The following FAM53B variants were observed in gnomAD, a reference collection of about 807,000 sequenced individuals.
FAM53B encodes family with sequence similarity 53 member B.
FAM53B carries 12 observed loss-of-function variants against 32.7 expected under a neutral mutation model. The ratio of observed to expected loss-of-function variants is 0.37; its 90% CI spans 0.24 to 0.59. The LOEUF (loss-of-function observed/expected upper bound fraction) is 0.59. Among genes scored for constraint, FAM53B ranks in the 20% least tolerant of loss-of-function variants. The pLI, the probability that FAM53B is intolerant of heterozygous loss-of-function variation, is 0.72. For missense variants in FAM53B, 477 were observed against 577.7 expected (o/e 0.83, Z 1.79); for synonymous variants, 234 against 228.7 (o/e 1.02, Z -0.21).
intron 4 of FAM53B, among the ~76,000 whole-genome samples, chr10:124,641,220 G>A (rs1039389336): frequency 4.6e-5 from 7 of 152,146 alleles, no homozygotes; most frequent in Admixed American, 1.3e-4. Context: ...CCTCTTCCTC[G>A]ATATGTTGGA....
intron 4 of FAM53B, among the ~76,000 whole-genome samples, chr10:124,643,317 G>C (rs768729891): frequency 1.3e-5 from 2 of 152,226 alleles, no homozygotes; most frequent in Non-Finnish European, 2.9e-5. Context: ...CTGGGCTGTG[G>C]GGCCATTGAA....
intron 4 of FAM53B, among the ~76,000 whole-genome samples, chr10:124,628,396 G>A (rs1949369185): frequency 6.6e-6 from 1 of 152,192 alleles, no homozygotes; most frequent in Non-Finnish European, 1.5e-5. Context: ...GGAGGCTGCG[G>A]TATTCTCACC....
intron 4 of FAM53B, among the ~76,000 whole-genome samples, chr10:124,645,234 C>A (rs867026173): frequency 6.6e-6 from 1 of 152,252 alleles, no homozygotes. Context: ...GTGGTAAGAC[C>A]GCCTATCTGC....
chr10:124,702,966 G>C (rs753370404), intron 2 of FAM53B, among the ~76,000 whole-genome samples: 1 of 152,058 alleles, frequency 6.6e-6, no homozygotes, highest in Non-Finnish European at 1.5e-5. Flanking sequence ...CTCTCACCTC[G>C]TGACACACTT....
At chr10:124,643,045 G>A (rs1949487318) in intron 4 of FAM53B, among the ~76,000 whole-genome samples, 2 of 152,164 alleles carry the variant, frequency 1.3e-5, no homozygotes, top group Admixed American at 1.3e-4. Flanking sequence ...CTCACTGTTA[G>A]CTTGAGATGA....
intron 1 of FAM53B, among the ~76,000 whole-genome samples, chr10:124,725,188 CT>C (rs1161080462): frequency 6.6e-6 from 1 of 152,228 alleles, no homozygotes; most frequent in African/African-American, 2.4e-5. Flanking sequence ...CAGGTTCACT[CT>C]GGACAACTAA....
At chr10:124,715,785 T>C (rs1950035309) in intron 1 of FAM53B, among the ~76,000 whole-genome samples, 1 of 152,222 alleles carries the variant, frequency 6.6e-6, no homozygotes, top group African/African-American at 2.4e-5. Context: ...CTTTGTAACA[T>C]GTAAGACGTT....
In FAM53B at chr10:124,681,730, G is replaced by A. The variant is rs752778458; in HGVS notation, c.783C>T (p.Ser261=). 6.2e-6 allele frequency: 10 copies of A among 1,610,518 alleles called. No individual in the cohort carries two copies. Among genetic ancestry groups the A allele is most frequent in the Admixed American group, 3.4e-5 (2 of 59,484 alleles). ...ASTPELARRS[S]GLSRSRSQPC... ...GCTGGGAGCGGCTGCGGGAAAGGCC[G>A]CTGGAGCGTCTCGCCAGCTCTGGTG... is the stretch of plus-strand genomic sequence containing the variant. The change falls in exon 4 of 5, where the codon AGC becomes AGT. Residue 261 remains serine (S), a synonymous_variant. Coordinates refer to ENST00000337318, the MANE Select transcript of FAM53B (RefSeq NM_014661.4).
chr10:124,638,225 C>G (rs1949446693), intron 4 of FAM53B, among the ~76,000 whole-genome samples: 1 of 152,090 alleles, frequency 6.6e-6, no homozygotes, highest in Non-Finnish European at 1.5e-5. Flanking sequence ...AAAAAATTAG[C>G]AGGGTGTGGT....
chr10:124,621,223 A>C lies in FAM53B; in HGVS notation c.*2019T>G, dbSNP rs1466758500. ...TCGGCCACACCGGGCATGTGGTGCC[A>C]GGACCCCCCACGCCCAGTGGTACTC... On this transcript the variant is annotated 3_prime_UTR_variant, in exon 5 of 5. Coordinates refer to ENST00000337318, the MANE Select transcript of FAM53B (RefSeq NM_014661.4). 1 of 152,220 alleles carries C rather than the reference A, an allele frequency of 6.6e-6. No individual in the cohort carries two copies. The highest frequency in any genetic ancestry group is 1.5e-5 in the Non-Finnish European group (1 of 68,030). 9.4% of individuals were successfully genotyped at this position (152,220 alleles called of 1,614,324 possible).
chr10:124,670,072 G>A (rs1949698488), intron 4 of FAM53B, among the ~76,000 whole-genome samples: 1 of 152,102 alleles, frequency 6.6e-6, no homozygotes, highest in Admixed American at 6.5e-5. Flanking sequence ...GCTGATGTGT[G>A]TGCAGATATG....
chr10:124,739,060 A>AC (rs1291479967), intron 1 of FAM53B, among the ~76,000 whole-genome samples: 2 of 152,060 alleles, frequency 1.3e-5, no homozygotes, highest in Non-Finnish European at 2.9e-5. Context: ...AAAAAAACAA[A>AC]AAACAAAAAA....
intron 4 of FAM53B, among the ~76,000 whole-genome samples, chr10:124,646,014 G>T (rs994819784): frequency 6.0e-4 from 92 of 152,140 alleles, no homozygotes; most frequent in African/African-American, 2.2e-3. Context: ...GGCCAAACAG[G>T]TAACAGGGCC....
intron 1 of FAM53B, among the ~76,000 whole-genome samples, chr10:124,738,361 T>A (rs1470376410): frequency 2.1e-5 from 3 of 143,456 alleles, no homozygotes; most frequent in Non-Finnish European, 4.6e-5. Context: ...GGCATCTGGA[T>A]TTTTTTTTTT....
intron 4 of FAM53B, among the ~76,000 whole-genome samples, chr10:124,624,498 C>T (rs546374845): frequency 6.6e-6 from 1 of 152,324 alleles, no homozygotes; most frequent in South Asian, 2.1e-4. Context: ...ATGCTCCCTG[C>T]CTGCCTTGCT....
intron 4 of FAM53B, among the ~76,000 whole-genome samples, chr10:124,647,891 C>T (rs997272451): frequency 2.5e-4 from 38 of 152,184 alleles, no homozygotes; most frequent in African/African-American, 8.4e-4. Context: ...AGAACAGCCC[C>T]GTGTGCATGA....
intron 4 of FAM53B, among the ~76,000 whole-genome samples, chr10:124,646,546 C>T (rs750660945): frequency 8.5e-5 from 13 of 152,192 alleles, no homozygotes; most frequent in Non-Finnish European, 1.6e-4. Context: ...GCTCCCAGCC[C>T]GGAGCCTCTG....
intron 1 of FAM53B, among the ~76,000 whole-genome samples, chr10:124,735,906 T>C (rs1160360003): frequency 2.6e-5 from 4 of 152,252 alleles, no homozygotes; most frequent in African/African-American, 9.6e-5. Context: ...CCCAGGCTTC[T>C]GATTCCAAAG....
At chr10:124,703,254 T>C (rs1469673605) in intron 2 of FAM53B, among the ~76,000 whole-genome samples, 18 of 152,172 alleles carry the variant, frequency 1.2e-4, no homozygotes, top group Admixed American at 6.5e-5. Context: ...TTCACCATAT[T>C]AGCCAGGATG....
Sources: allele counts gnomAD v4.1 joint callset (sites outside exome capture counted in the v4.1 genomes callset), GRCh38; gene constraint gnomAD v4.1.1; transcripts MANE v1.5; gene names NCBI Gene and HGNC (gene_info 2026-07-23, HGNC 2026-07-21).